KSR2: variants seen among roughly 807,000 people sequenced by gnomAD.
KSR2 encodes kinase suppressor of ras 2.
A neutral mutation model predicts 107.8 loss-of-function variants in KSR2; 25 were observed. The observed-to-expected ratio is 0.23, with a 90% CI of 0.17 to 0.32. KSR2 has a LOEUF of 0.32. Among genes scored for constraint, KSR2 ranks in the 10% least tolerant of loss-of-function variants. KSR2 has a pLI of 1.00. For synonymous variants in KSR2, 480 were observed against 507.0 expected (o/e 0.95, Z 0.71); for missense variants, 887 against 1,268.9 (o/e 0.70, Z 4.57).
chr12:117,842,859 C>T lies in KSR2; in HGVS notation c.472+12569G>A, dbSNP rs958518247. Among the ~76,000 whole-genome samples, 4 of 152,032 alleles carry T rather than the reference C, an allele frequency of 2.6e-5. No individual in the cohort carries two copies. Among genetic ancestry groups the T allele is most frequent in the African/African-American group, 9.7e-5 (4 of 41,368 alleles). ...GGATGAAGCCTTGGACCAGGTTGCT[C>T]GACAGGGGTTCTGCTGCAAGACAAA... On this transcript the variant is annotated intron_variant, in intron 3 of 19. Coordinates refer to ENST00000339824, the MANE Select transcript of KSR2 (RefSeq NM_173598.6). This position sits in a 1 kb window ranked among gnomAD's most constrained non-coding sequence, Gnocchi z 4.2.
chr12:117,769,340 A>G (rs1431709597), intron 3 of KSR2, among the ~76,000 whole-genome samples: 1 of 152,140 alleles, frequency 6.6e-6, no homozygotes, highest in African/African-American at 2.4e-5. Flanking sequence ...CATGCTGGTA[A>G]TGCAGGTCTG....
chr12:117,691,088 T>G (rs959309782), intron 4 of KSR2, among the ~76,000 whole-genome samples: 1 of 152,218 alleles, frequency 6.6e-6, no homozygotes, highest in African/African-American at 2.4e-5. Flanking sequence ...CAGCATGGGT[T>G]GACAATGTTG....
At chr12:117,615,989 C>CA (rs1408820634) in intron 5 of KSR2, among the ~76,000 whole-genome samples, 15 of 151,924 alleles carry the variant, frequency 9.9e-5, no homozygotes, top group Middle Eastern at 6.8e-3. Flanking sequence ...CCCACCACTA[C>CA]AAAAAAACAC....
intron 1 of KSR2, among the ~76,000 whole-genome samples, chr12:117,915,407 G>T (rs925325987): frequency 2.0e-5 from 3 of 152,162 alleles, no homozygotes; most frequent in Admixed American, 1.3e-4. Flanking sequence ...TCACATTAAG[G>T]GTTAGAATTT....
At chr12:117,849,863 C>G (rs571712449) in intron 3 of KSR2, among the ~76,000 whole-genome samples, 1 of 152,326 alleles carries the variant, frequency 6.6e-6, no homozygotes, top group South Asian at 2.1e-4. Flanking sequence ...ATTTAACAAA[C>G]ATGCATCCAG....
In KSR2 at chr12:117,476,598, G is replaced by A. The variant is rs377042173; in HGVS notation, c.2451-3C>T. ...GGATGCGCAGTTTGTCCTCCCGCCT[G>A]GAGAAGCAAAGCACAGGATGAGCTC... On this transcript the variant is annotated splice_polypyrimidine_tract_variant and splice_region_variant and intron_variant, in intron 16 of 19. Coordinates refer to ENST00000339824, the MANE Select transcript of KSR2 (RefSeq NM_173598.6). 6.4e-4 allele frequency: 1,030 copies of A among 1,608,948 alleles called. 7 individuals carry two copies. The Admixed American group carries it at 0.016, about 25-fold the overall frequency.
At chr12:117,601,680 G>C (rs1397789256) in intron 5 of KSR2, among the ~76,000 whole-genome samples, 1 of 152,118 alleles carries the variant, frequency 6.6e-6, no homozygotes, top group Non-Finnish European at 1.5e-5. Flanking sequence ...CCTACATCTT[G>C]ATTTTTGGAC....
chr12:117,707,496 G>T (rs1468684248), intron 4 of KSR2, among the ~76,000 whole-genome samples: 2 of 152,188 alleles, frequency 1.3e-5, no homozygotes, highest in African/African-American at 2.4e-5. Flanking sequence ...AAGCTGAGCT[G>T]CATCACTTTC....
chr12:117,770,429 A>G (rs987838779), intron 3 of KSR2, among the ~76,000 whole-genome samples: 4 of 152,106 alleles, frequency 2.6e-5, no homozygotes, highest in South Asian at 2.1e-4. Context: ...CTTTGGAGGC[A>G]CTGTGGCCCT....
chr12:117,558,446 G>C lies in KSR2; in HGVS notation c.1393+60C>G. 3 of 1,341,468 alleles carry C rather than the reference G, an allele frequency of 2.2e-6. No individual in the cohort carries two copies. In the South Asian group the frequency reaches 3.5e-5, roughly 16 times the overall value. 83.1% of individuals were successfully genotyped at this position (1,341,468 alleles called of 1,614,324 possible). On this transcript the variant is annotated intron_variant, in intron 8 of 19. Transcript: ENST00000339824. ...CCAACCTGATGGGACAGCTATGTGG[G>C]GGACCTGCAGGAGCCCCACCTCACC...
At chr12:117,659,554 A>G (rs1334119628) in intron 5 of KSR2, among the ~76,000 whole-genome samples, 2 of 152,218 alleles carry the variant, frequency 1.3e-5, no homozygotes, top group Non-Finnish European at 2.9e-5. Flanking sequence ...TTTGAGTGGC[A>G]GCAGAGACTG....
At chr12:117,503,252 C>G (rs1347491755) in intron 14 of KSR2, among the ~76,000 whole-genome samples, 1 of 152,144 alleles carries the variant, frequency 6.6e-6, no homozygotes, top group Non-Finnish European at 1.5e-5. Context: ...AGACCAGAGT[C>G]TATGTCATAG....
chr12:117,795,370 C>T (rs1367462108), intron 3 of KSR2, among the ~76,000 whole-genome samples: 1 of 152,164 alleles, frequency 6.6e-6, no homozygotes, highest in African/African-American at 2.4e-5. Flanking sequence ...ACTACCTCAG[C>T]CTTCTGGAAG....
At chr12:117,831,295 G>A (rs1341927682) in intron 3 of KSR2, among the ~76,000 whole-genome samples, 5 of 152,022 alleles carry the variant, frequency 3.3e-5, no homozygotes, top group Admixed American at 2.6e-4. Context: ...TCTTTCCCTC[G>A]AGGAGAAGTT....
chr12:117,804,167 C>T (rs1890933080), intron 3 of KSR2, among the ~76,000 whole-genome samples: 1 of 152,254 alleles, frequency 6.6e-6, no homozygotes, highest in South Asian at 2.1e-4. Context: ...CCTCGGCCTC[C>T]GGAGTAGCTG....
chr12:117,593,112 G>A (rs1358006650), intron 5 of KSR2, among the ~76,000 whole-genome samples: 2 of 152,164 alleles, frequency 1.3e-5, no homozygotes, highest in African/African-American at 4.8e-5. Context: ...GGAGAAGCAT[G>A]GGGCCTGGCT....
chr12:117,478,462 A>T (rs1490370110), intron 16 of KSR2, among the ~76,000 whole-genome samples: 1 of 151,844 alleles, frequency 6.6e-6, no homozygotes, highest in Non-Finnish European at 1.5e-5. Flanking sequence ...CTGCTGAGAC[A>T]GTCTGTCTAT....
Position 117,855,303 on chromosome 12 carries a change from G to A in KSR2, c.472+125C>T, listed in dbSNP as rs1048737236. 4.1e-5 allele frequency: 52 copies of A among 1,268,354 alleles called. 1 individual carries two copies. The highest frequency in any genetic ancestry group is 3.2e-4 in the Admixed American group (15 of 46,864). The allele number at this position is 1,268,354 out of a possible 1,614,324, so 78.6% of individuals were successfully genotyped here. A position where few individuals can be genotyped will look rare whatever the true frequency, so the allele number is the denominator to read the frequency against. Reference sequence around the variant, plus strand: ...TCCACGCTGCCTCTTCCTGCGTTTCGGATTTGCCCCCCAGGGTTGACTCTG... The same window carrying A: ...TCCACGCTGCCTCTTCCTGCGTTTCAGATTTGCCCCCCAGGGTTGACTCTG... On this transcript the variant is annotated intron_variant, in intron 3 of 19. Transcript: ENST00000339824.
chr12:117,795,797 G>C (rs1890603911), intron 3 of KSR2, among the ~76,000 whole-genome samples: 1 of 152,076 alleles, frequency 6.6e-6, no homozygotes, highest in Non-Finnish European at 1.5e-5. Context: ...TTTTTGTAGA[G>C]ACAGGGTCTC....
Sources: gnomAD v4.1 joint callset for allele counts (sites outside exome capture counted in the v4.1 genomes callset) on GRCh38, gnomAD v4.1.1 for gene constraint, Gnocchi (gnomAD v3.1) non-coding constraint, MANE v1.5 for transcripts, NCBI Gene and HGNC (gene_info 2026-07-23, HGNC 2026-07-21) for gene names.